The following SDK2 variants were observed in gnomAD, a reference collection of about 807,000 sequenced individuals.
SDK2 encodes protein sidekick-2.
A neutral mutation model predicts 253.9 loss-of-function variants in SDK2; 105 were observed. The observed-to-expected ratio is 0.41, with a 90% CI of 0.35 to 0.49. The LOEUF (loss-of-function observed/expected upper bound fraction) is 0.49, where lower values mean the gene tolerates loss of function less well. SDK2 is among the 20% of genes least tolerant of loss of function. The pLI is 0.06. For missense variants in SDK2, 2,608 were observed against 3,003.0 expected (o/e 0.87, Z 3.07); for synonymous variants, 1,249 against 1,234.9 (o/e 1.01, Z -0.24).
intron 21 of SDK2, 132 bp downstream of exon 21, chr17:73,400,888 T>TA: frequency 1.2e-6 from 1 of 830,286 alleles, no homozygotes; most frequent in Non-Finnish European, 1.9e-6. Flanking sequence ...CCTCAAGTGA[T>TA]ACGCCTGCCT....
chr17:73,375,266 C>CAG (rs71157006), intron 36 of SDK2, among the ~76,000 whole-genome samples: 103,387 of 104,412 alleles, frequency 0.99, 51,192 homozygotes, highest in Non-Finnish European at 1. Flanking sequence ...TTTTTTGAGA[C>CAG]AGTCTTGATC....
At chr17:73,364,375 G>T (rs973190666) in intron 38 of SDK2, among the ~76,000 whole-genome samples, 52 of 152,256 alleles carry the variant, frequency 3.4e-4, no homozygotes, top group African/African-American at 1.2e-3. Flanking sequence ...ACAAGAGCGA[G>T]GTCATTTGCA....
chr17:73,596,494 T>C (rs2045760327), intron 1 of SDK2, among the ~76,000 whole-genome samples: 1 of 152,172 alleles, frequency 6.6e-6, no homozygotes, highest in Non-Finnish European at 1.5e-5. Context: ...CTTCTCAATA[T>C]ATTTCTGCAT....
At chr17:73,355,626 G>A (rs1036608512) in intron 40 of SDK2, among the ~76,000 whole-genome samples, 2 of 152,220 alleles carry the variant, frequency 1.3e-5, no homozygotes, top group Non-Finnish European at 1.5e-5. Context: ...GATTACAGGC[G>A]TGAGCCACCG....
At chr17:73,372,203 T>C (rs1224444505) in intron 36 of SDK2, among the ~76,000 whole-genome samples, 2 of 152,164 alleles carry the variant, frequency 1.3e-5, no homozygotes, top group Non-Finnish European at 1.5e-5. Flanking sequence ...CGGACCTTTG[T>C]TAGCTGATGA....
chr17:73,364,281 G>A (rs2062665711), intron 38 of SDK2, among the ~76,000 whole-genome samples: 1 of 152,156 alleles, frequency 6.6e-6, no homozygotes, highest in African/African-American at 2.4e-5. Flanking sequence ...GCGCAGCCCA[G>A]CCTAGGAGCC....
At position 73,625,187 on chromosome 17, in the gene SDK2, A is replaced by C. The variant is rs1487309908; in HGVS notation, c.64+18838T>G. On this transcript the variant is annotated intron_variant, in intron 1 of 44. Transcript: ENST00000392650. ...GAGACAGAGGCAGAGAGAGCAGTGC[A>C]TACCAGGCAGGACCAGACAAGCAGG... Among the ~76,000 whole-genome samples the C allele has an allele frequency of 2.0e-5, 3 of 152,290 alleles. No individual in the cohort carries two copies. In the East Asian group the frequency reaches 5.8e-4, roughly 29 times the overall value.
chr17:73,489,467 G>A (rs1219286396), intron 2 of SDK2, among the ~76,000 whole-genome samples: 2 of 152,200 alleles, frequency 1.3e-5, no homozygotes, highest in Non-Finnish European at 2.9e-5. Context: ...GGCAGGGATT[G>A]GTGAGTTGTG....
intron 1 of SDK2, among the ~76,000 whole-genome samples, chr17:73,591,796 G>A (rs1382340715): frequency 1.3e-5 from 2 of 152,138 alleles, no homozygotes; most frequent in African/African-American, 2.4e-5. Flanking sequence ...TGAGCTTTGC[G>A]GAGATGCTTA....
intron 44 of SDK2, among the ~76,000 whole-genome samples, chr17:73,346,733 GTGGGTTT>G (rs1242923498): frequency 6.6e-6 from 1 of 152,158 alleles, no homozygotes; most frequent in Non-Finnish European, 1.5e-5. Context: ...ATTTTGGAGA[GTGGGTTT>G]TGGGTGGTCT....
chr17:73,432,738 G>A (rs2063335858), intron 10 of SDK2, among the ~76,000 whole-genome samples: 1 of 149,928 alleles, frequency 6.7e-6, no homozygotes, highest in African/African-American at 2.4e-5. Flanking sequence ...GCTGGGGCTT[G>A]CCGGTGTGAA....
intron 1 of SDK2, chr17:73,517,454 T>C (rs978299763): frequency 2.6e-5 from 4 of 152,068 alleles, no homozygotes; most frequent in African/African-American, 9.7e-5. Context: ...AAGAGCCAAG[T>C]AAAGACAGAG....
Position 73,431,495 on chromosome 17 carries a change from C to T in SDK2, c.1480+7G>A. 2 of 1,608,774 alleles carry T rather than the reference C, an allele frequency of 1.2e-6. No homozygotes were observed. Among genetic ancestry groups the T allele is most frequent in the South Asian group, 2.2e-5 (2 of 90,798 alleles). The stretch of plus-strand genomic sequence containing the variant: ...ATGTATAAAGCCCTGTGGCTCTGCA[C>T]ACTCACCCCAAACGACTAGGTCTGC... On this transcript the variant is annotated splice_region_variant and intron_variant, in intron 11 of 44. Transcript: ENST00000392650. The surrounding 1 kb of genome is among the most constrained non-coding windows in gnomAD (Gnocchi z 5.6).
chr17:73,483,707 A>ATATT (rs1322209671), intron 2 of SDK2, among the ~76,000 whole-genome samples: 5 of 64,280 alleles, frequency 7.8e-5, no homozygotes, highest in African/African-American at 2.9e-4. Flanking sequence ...ATATATATAT[A>ATATT]TTTTTTTTTT....
chr17:73,626,066 A>G (rs1362628176), intron 1 of SDK2, among the ~76,000 whole-genome samples: 2 of 143,664 alleles, frequency 1.4e-5, no homozygotes, highest in African/African-American at 2.5e-5. Flanking sequence ...CTGAGCACTG[A>G]GCGAGACAGA....
Position 73,574,400 on chromosome 17 carries a change from C to T in SDK2, c.65-66803G>A, listed in dbSNP as rs147673327. On this transcript the variant is annotated intron_variant, in intron 1 of 44. Transcript: ENST00000392650. ...AGAACATCAGATCCAACCCTGATCA[C>T]AGCTGACATCACGTGCATGCACATG... is the stretch of plus-strand genomic sequence containing the variant. 5.4e-3 allele frequency among the ~76,000 whole-genome samples: 743 copies of T among 136,612 alleles called. 8 individuals are homozygous for T. The highest frequency in any genetic ancestry group is 0.019 in the African/African-American group (712 of 36,592). 89.6% of individuals were successfully genotyped at this position (136,612 alleles called of 152,430 possible). A position where few individuals can be genotyped will look rare whatever the true frequency, so the allele number is the denominator to read the frequency against.
intron 2 of SDK2, among the ~76,000 whole-genome samples, chr17:73,479,247 C>T (rs1353938875): frequency 6.6e-6 from 1 of 152,218 alleles, no homozygotes; most frequent in African/African-American, 2.4e-5. Context: ...AGCAGTGGGC[C>T]ACTGAGCTCG....
chr17:73,641,893 G>A (rs376638870), intron 1 of SDK2, among the ~76,000 whole-genome samples: 10 of 152,168 alleles, frequency 6.6e-5, no homozygotes, highest in Admixed American at 5.2e-4. Flanking sequence ...CTAGGACCAC[G>A]TTCCCACAAT....
chr17:73,474,662 T>C (rs2063673472), intron 2 of SDK2, among the ~76,000 whole-genome samples: 1 of 152,186 alleles, frequency 6.6e-6, no homozygotes. Context: ...TCCGTTCACC[T>C]CATCTTCAAA....
Sources: allele counts gnomAD v4.1 joint callset (sites outside exome capture counted in the v4.1 genomes callset), GRCh38; gene constraint gnomAD v4.1.1; non-coding constraint Gnocchi (gnomAD v3.1); transcripts MANE v1.5; gene names NCBI Gene and HGNC (gene_info 2026-07-23, HGNC 2026-07-21).